ROBO1: variants seen among roughly 807,000 people sequenced by gnomAD.
The protein encoded by ROBO1 is roundabout homolog 1.
A neutral mutation model predicts 195.9 loss-of-function variants in ROBO1; 149 were observed. The observed-to-expected ratio is 0.76, with a 90% confidence interval of 0.67 to 0.87. ROBO1 has a LOEUF of 0.87. ROBO1 is among the 40% of genes least tolerant of loss of function. ROBO1 has a pLI of 0.00. For synonymous variants in ROBO1, 816 were observed against 733.2 expected, an observed-to-expected ratio of 1.11 and a Z score of -1.82; for missense variants, 1,933 against 2,068.3, an observed-to-expected ratio of 0.93 and a Z score of 1.27.
At chr3:79,165,862 T>A (rs754090123) in intron 2 of ROBO1, among the ~76,000 whole-genome samples, 1 of 152,166 alleles carries the variant, frequency 6.6e-6, no homozygotes, top group African/African-American at 2.4e-5. Flanking sequence ...CCATAATCAA[T>A]TGACTTTAAT....
chr3:78,759,023 A>G (rs892024286), intron 4 of ROBO1: 3 of 152,182 alleles, frequency 2.0e-5, no homozygotes, highest in Non-Finnish European at 4.4e-5. Context: ...GGACACTAAC[A>G]CTGCTTTGCA....
intron 2 of ROBO1, among the ~76,000 whole-genome samples, chr3:79,230,011 T>C (rs1340102081): frequency 1.3e-5 from 2 of 152,162 alleles, no homozygotes; most frequent in Admixed American, 1.3e-4. Flanking sequence ...TTCTGTGAAC[T>C]TCCAGAAACT....
intron 1 of ROBO1, among the ~76,000 whole-genome samples, chr3:79,622,148 G>A (rs1043922525): frequency 2.0e-5 from 3 of 152,160 alleles, no homozygotes; most frequent in African/African-American, 7.2e-5. Flanking sequence ...AGTGGTGAGT[G>A]AGCATGCTAC....
At chr3:78,795,444 T>C (rs2084156397) in intron 4 of ROBO1, among the ~76,000 whole-genome samples, 1 of 152,186 alleles carries the variant, frequency 6.6e-6, no homozygotes, top group Non-Finnish European at 1.5e-5. Flanking sequence ...AGGGACAGCT[T>C]TGCATACAGG....
At chr3:79,458,130 A>C (rs180969856) in intron 2 of ROBO1, among the ~76,000 whole-genome samples, 1 of 152,300 alleles carries the variant, frequency 6.6e-6, no homozygotes, top group Admixed American at 6.5e-5. Flanking sequence ...AGCAAGAAAA[A>C]AAAATGTTGA....
intron 4 of ROBO1, among the ~76,000 whole-genome samples, chr3:78,855,716 T>G (rs1420609887): frequency 2.0e-5 from 3 of 152,100 alleles, no homozygotes; most frequent in African/African-American, 7.2e-5. Context: ...ACTTTAAGAC[T>G]AGGTCACAGA....
intron 3 of ROBO1, among the ~76,000 whole-genome samples, chr3:78,978,877 T>C (rs1224004133): frequency 6.6e-6 from 1 of 152,188 alleles, no homozygotes; most frequent in Non-Finnish European, 1.5e-5. Flanking sequence ...GCTAGAAATC[T>C]ATTCTCCAAC....
intron 3 of ROBO1, among the ~76,000 whole-genome samples, chr3:78,950,051 C>A (rs375664986): frequency 0.011 from 1,608 of 152,106 alleles, 30 homozygotes; most frequent in African/African-American, 0.034. Context: ...GAACACTTTT[C>A]CACTGTTGGT....
chr3:79,562,328 A>C (rs1942949333), intron 2 of ROBO1, among the ~76,000 whole-genome samples: 1 of 152,124 alleles, frequency 6.6e-6, no homozygotes, highest in South Asian at 2.1e-4. Flanking sequence ...GTAAAATAGT[A>C]AAAGTAGTAG....
At chr3:79,436,721 C>T (rs1163599650) in intron 2 of ROBO1, among the ~76,000 whole-genome samples, 1 of 151,866 alleles carries the variant, frequency 6.6e-6, no homozygotes, top group Non-Finnish European at 1.5e-5. Context: ...ATATCTGGGC[C>T]AACAAAAATG....
chr3:78,829,282 G>A lies in ROBO1; in HGVS notation c.500-82382C>T, dbSNP rs141519991. Among the ~76,000 whole-genome samples the A allele has an allele frequency of 7.2e-5, 11 of 152,072 alleles. No individual in the cohort carries two copies. In the East Asian group the frequency reaches 1.4e-3, roughly 19 times the overall value. On this transcript the variant is annotated intron_variant, in intron 4 of 30. Transcript: ENST00000464233. ...AAAGGGCTTTTTCCCCTTTTATCTC[G>A]GAAGAATTACAGTTATTATAACACT...
chr3:78,677,847 C>T (rs1178462806), intron 10 of ROBO1, among the ~76,000 whole-genome samples: 1 of 151,970 alleles, frequency 6.6e-6, no homozygotes, highest in Admixed American at 6.6e-5. Flanking sequence ...ACAGAACTCT[C>T]CACCCCAAAT....
intron 1 of ROBO1, among the ~76,000 whole-genome samples, chr3:79,715,641 G>C (rs1196081488): frequency 6.6e-6 from 1 of 152,014 alleles, no homozygotes; most frequent in Non-Finnish European, 1.5e-5. Context: ...TGGTGGTTTG[G>C]AACCAAGTCT....
At chr3:79,072,877 C>T (rs539928899) in intron 3 of ROBO1, among the ~76,000 whole-genome samples, 3 of 151,850 alleles carry the variant, frequency 2.0e-5, no homozygotes, top group African/African-American at 7.2e-5. Flanking sequence ...AACAACAATG[C>T]AAAATTTGCC....
intron 4 of ROBO1, among the ~76,000 whole-genome samples, chr3:78,933,665 A>C (rs1354198157): frequency 6.6e-6 from 1 of 152,028 alleles, no homozygotes; most frequent in Non-Finnish European, 1.5e-5. Context: ...GCAATGACAG[A>C]AGAACATATT....
At position 79,683,102 on chromosome 3, in the gene ROBO1, T is replaced by C. The variant is rs565588847; in HGVS notation, c.-51+84650A>G. On this transcript the variant is annotated intron_variant, in intron 1 of 30. Transcript: ENST00000464233. ...TACTGATTTAACATGAAAGCAAAAT[T>C]TAATATATTTGATTTTTTTCTATCT... is the stretch of plus-strand genomic sequence containing the variant. Among the ~76,000 whole-genome samples the C allele has an allele frequency of 2.6e-5, 4 of 152,144 alleles. No individual in the cohort carries two copies. The East Asian group carries it at 7.7e-4, about 29-fold the overall frequency.
chr3:78,860,322 A>ATT (rs1459743709), intron 4 of ROBO1, among the ~76,000 whole-genome samples: 49 of 73,890 alleles, frequency 6.6e-4, no homozygotes, highest in African/African-American at 2.4e-3. Context: ...ATATATATAT[A>ATT]TATATTTTTT....
rs990625499 is a variant in ROBO1, at chr3:79,196,371, C to A, written c.89-70832G>T. Among the ~76,000 whole-genome samples, 4 of 146,958 alleles carry A rather than the reference C, an allele frequency of 2.7e-5. No individual in the cohort carries two copies. The East Asian group carries it at 6.0e-4, about 22-fold the overall frequency. On this transcript the variant is annotated intron_variant, in intron 2 of 30. Coordinates refer to ENST00000464233, the MANE Select transcript of ROBO1 (RefSeq NM_002941.4). The stretch of plus-strand genomic sequence containing the variant: ...AATTAATCCATCACACACACATGCA[C>A]ACGCACCAAGAGAGAGAGGGAGGGA...
At chr3:79,050,708 T>C (rs922173028) in intron 3 of ROBO1, among the ~76,000 whole-genome samples, 20 of 152,136 alleles carry the variant, frequency 1.3e-4, no homozygotes, top group Admixed American at 6.5e-5. Flanking sequence ...CAACAAACTG[T>C]CTCTCAGACC....
Sources: gnomAD v4.1 joint callset for allele counts (sites outside exome capture counted in the v4.1 genomes callset) on GRCh38, gnomAD v4.1.1 for gene constraint, MANE v1.5 for transcripts, NCBI Gene and HGNC (gene_info 2026-07-23, HGNC 2026-07-21) for gene names.